Variants in MBNL1 observed in about 807,000 individuals in gnomAD.
MBNL1 encodes the protein muscleblind like splicing regulator 1.
Under a neutral mutation model 42.2 loss-of-function variants are expected in MBNL1, and 8 were observed. That is an observed-to-expected ratio of 0.19 (90% confidence interval 0.11 to 0.34). MBNL1 has a LOEUF of 0.34. MBNL1 is among the 10% of genes least tolerant of loss of function. MBNL1 has a pLI of 1.00. For missense variants in MBNL1, 309 were observed against 495.3 expected (o/e 0.62, Z 3.57); for synonymous variants, 169 against 173.9 (o/e 0.97, Z 0.22).
intron 2 of MBNL1, among the ~76,000 whole-genome samples, chr3:152,311,815 A>G (rs901710428): frequency 6.6e-6 from 1 of 152,108 alleles, no homozygotes; most frequent in Non-Finnish European, 1.5e-5. Flanking sequence ...GTTTGCTCTC[A>G]AAAAACATGG....
intron 2 of MBNL1, among the ~76,000 whole-genome samples, chr3:152,362,726 A>C (rs192507925): frequency 1.1e-3 from 168 of 152,296 alleles, no homozygotes; most frequent in Non-Finnish European, 1.7e-3. Context: ...GTCCCATGGT[A>C]GGCAAAAGTG....
chr3:152,354,559 T>C (rs891435286), intron 2 of MBNL1, among the ~76,000 whole-genome samples: 3 of 152,140 alleles, frequency 2.0e-5, no homozygotes, highest in Non-Finnish European at 4.4e-5. Flanking sequence ...TCTTCATTTT[T>C]AAAAATAATA....
intron 2 of MBNL1, among the ~76,000 whole-genome samples, chr3:152,402,908 G>A (rs913878044): frequency 6.6e-6 from 1 of 152,104 alleles, no homozygotes; most frequent in Non-Finnish European, 1.5e-5. Flanking sequence ...CCTCCTTCTG[G>A]AGGCTGTCAC....
chr3:152,447,729 T>C lies in MBNL1; in HGVS notation c.917T>C (p.Leu306Pro). The change falls in exon 6 of 10, where the codon CTA becomes CCA. Residue 306 changes from leucine (L) to proline (P), a missense_variant. Coordinates refer to ENST00000324210, the MANE Select transcript of MBNL1 (RefSeq NM_021038.5). ...GGTATTTTCCAATACCAACAGGCTC[T>C]AGCCAACATGCAGTTACAACAGCAT... ...NTGIFQYQQA[L>P]ANMQLQQHTA... 1 of 1,613,908 alleles carries C rather than the reference T, an allele frequency of 6.2e-7. No individual in the cohort carries two copies. The highest frequency in any genetic ancestry group is 8.5e-7 in the Non-Finnish European group (1 of 1,179,830).
At chr3:152,355,845 A>G (rs1038389390) in intron 2 of MBNL1, among the ~76,000 whole-genome samples, 1 of 152,164 alleles carries the variant, frequency 6.6e-6, no homozygotes, top group Non-Finnish European at 1.5e-5. Flanking sequence ...GCTTCCACCA[A>G]TTTCAGTATT....
At chr3:152,271,256 C>G (rs1302964590) in intron 1 of MBNL1, among the ~76,000 whole-genome samples, 1 of 152,004 alleles carries the variant, frequency 6.6e-6, no homozygotes, top group Non-Finnish European at 1.5e-5. Context: ...CACAGAATTC[C>G]TATGAAATGA....
intron 4 of MBNL1, among the ~76,000 whole-genome samples, chr3:152,434,390 T>A (rs1203756621): frequency 1.3e-4 from 20 of 152,244 alleles, no homozygotes; most frequent in Non-Finnish European, 1.8e-4. Flanking sequence ...GATCTCATTC[T>A]TTTTTATGTC....
rs2099023324 is a variant in MBNL1 at position 152,432,754 on chromosome 3, C to T, written c.383C>T (p.Ala128Val). 6.2e-7 allele frequency: 1 copy of T among 1,614,200 alleles called. No homozygotes were observed. Among genetic ancestry groups the T allele is most frequent in the Non-Finnish European group, 8.5e-7 (1 of 1,180,028 alleles). The change falls in exon 4 of 10, where the codon GCA (alanine) becomes GTA (valine). Residue 128 changes from alanine (A) to valine (V), a missense_variant. Ala to Val is a moderately conservative substitution (Grantham distance 64). Transcript: ENST00000324210. ...FSVAPSLATN[A>V]SAAAFNPYLG... ...GTTGCACCAAGCTTAGCCACCAATG[C>T]ATCAGCAGCCGCCTTTAATCCCTAT...
At chr3:152,434,129 G>A (rs191691672) in intron 4 of MBNL1, among the ~76,000 whole-genome samples, 2 of 152,256 alleles carry the variant, frequency 1.3e-5, no homozygotes, top group East Asian at 3.9e-4. Flanking sequence ...AGGGTTTGGT[G>A]TAGAGATTAT....
rs1363585110 is a variant in MBNL1 at position 152,447,626 on chromosome 3, C to T, written c.814C>T (p.Pro272Ser). 1.2e-6 allele frequency: 2 copies of T among 1,612,538 alleles called. No homozygotes were observed. The highest frequency in any genetic ancestry group is 8.5e-7 in the Non-Finnish European group (1 of 1,179,092). ...ATACTCATTCACTAAACAGGGAATT[C>T]CTCAAGCTGTACTTCCCCCATTACC... ...AAATAAAMGI[P>S]QAVLPPLPKR... The change falls in exon 6 of 10, where the codon CCT becomes TCT. Residue 272 changes from proline (P) to serine (S), a missense_variant. Transcript: ENST00000324210.
intron 6 of MBNL1, among the ~76,000 whole-genome samples, chr3:152,453,076 C>A (rs960189900): frequency 1.6e-4 from 25 of 151,654 alleles, no homozygotes; most frequent in Non-Finnish European, 4.4e-5. Context: ...AAAGAAGGTA[C>A]TGCTTGTTTG....
rs1011273174 is a variant in MBNL1, at chr3:152,280,849, G to C, written c.-790+11757G>C. On this transcript the variant is annotated intron_variant, in intron 1 of 9. Coordinates refer to ENST00000324210, the MANE Select transcript of MBNL1 (RefSeq NM_021038.5). ...AAGATTTAATCTGCATTCTAGTTTA[G>C]AAAATTCAGGATTTTATTGCTTATT... 3.9e-5 allele frequency among the ~76,000 whole-genome samples: 6 copies of C among 152,068 alleles called. No homozygotes were observed. The South Asian group carries it at 1.2e-3, about 32-fold the overall frequency.
chr3:152,323,810 A>G (rs1035437118), intron 2 of MBNL1, among the ~76,000 whole-genome samples: 1 of 152,180 alleles, frequency 6.6e-6, no homozygotes, highest in Non-Finnish European at 1.5e-5. Flanking sequence ...TTATGGGACC[A>G]CCATCATATA....
chr3:152,298,397 A>G (rs530309703), intron 1 of MBNL1, among the ~76,000 whole-genome samples: 1 of 152,338 alleles, frequency 6.6e-6, no homozygotes, highest in East Asian at 1.9e-4. Flanking sequence ...ATCAGGCAAC[A>G]GGGGATCCCT....
intron 2 of MBNL1, among the ~76,000 whole-genome samples, chr3:152,247,246 A>G (rs2033281126): frequency 6.6e-6 from 1 of 152,110 alleles, no homozygotes; most frequent in African/African-American, 2.4e-5. Context: ...TCAGCCATTT[A>G]AAAGAAAATT....
At chr3:152,443,967 A>G (rs1176161727) in intron 4 of MBNL1, among the ~76,000 whole-genome samples, 1 of 152,138 alleles carries the variant, frequency 6.6e-6, no homozygotes, top group Non-Finnish European at 1.5e-5. Flanking sequence ...ACTTTCCTCA[A>G]TAATAGGATA....
rs1213541251 is a variant in MBNL1, at chr3:152,340,414, G to GT, written c.174+40053dup. On this transcript the variant is annotated intron_variant, in intron 2 of 9. Transcript: ENST00000324210. ...GTAAGATTGTAATGACAATGACTGAGTTTTTTCCTGCCAAGTTCAGTTCCA... is the reference window on the plus strand; with the variant it reads ...GTAAGATTGTAATGACAATGACTGAGTTTTTTTCCTGCCAAGTTCAGTTCCA... 5.4e-6 allele frequency: 7 copies of GT among 1,295,408 alleles called. No individual in the cohort carries two copies. The African/African-American group carries it at 9.0e-5, about 17-fold the overall frequency. 80.2% of individuals were successfully genotyped at this position (1,295,408 alleles called of 1,614,324 possible).
chr3:152,394,306 GAA>G (rs371055757), intron 2 of MBNL1, among the ~76,000 whole-genome samples: 40 of 152,346 alleles, frequency 2.6e-4, no homozygotes, highest in African/African-American at 8.9e-4. Context: ...TATACAGTGA[GAA>G]GAGTCTTTCA....
At chr3:152,410,573 G>C (rs1200119278) in intron 2 of MBNL1, among the ~76,000 whole-genome samples, 2 of 152,132 alleles carry the variant, frequency 1.3e-5, no homozygotes, top group African/African-American at 2.4e-5. Context: ...TATTTTAAAA[G>C]CCTCCTTGAA....
Sources: gnomAD v4.1 joint callset for allele counts (sites outside exome capture counted in the v4.1 genomes callset) on GRCh38, gnomAD v4.1.1 for gene constraint, MANE v1.5 for transcripts, NCBI Gene and HGNC (gene_info 2026-07-23, HGNC 2026-07-21) for gene names.